Variants in PRSS23 observed in about 807,000 individuals in gnomAD.
PRSS23 encodes the protein protease, serine 23.
In PRSS23, 25 loss-of-function variants were observed where a neutral mutation model predicts 34.7. The ratio of observed to expected loss-of-function variants is 0.72; its 90% CI spans 0.53 to 1.01. The LOEUF is 1.01. Ranked by LOEUF, PRSS23 falls within the 50% of genes least tolerant of loss-of-function variation. The pLI, the probability that PRSS23 is intolerant of heterozygous loss-of-function variation, is 0.00. For synonymous variants in PRSS23, 176 were observed against 186.6 expected (o/e 0.94, Z 0.46); for missense variants, 445 against 475.6 (o/e 0.94, Z 0.60).
chr11:86,854,382 C>T (rs575772392), intron 2 of PRSS23, among the ~76,000 whole-genome samples: 24 of 152,312 alleles, frequency 1.6e-4, no homozygotes, highest in Admixed American at 1.4e-3. Context: ...TTGTTTACTT[C>T]TAGCTGTTCT....
chr11:86,827,188 A>T (rs371385966), intron 2 of PRSS23, among the ~76,000 whole-genome samples: 8 of 152,108 alleles, frequency 5.3e-5, no homozygotes, highest in South Asian at 2.1e-4. Flanking sequence ...ATTGGTCTAT[A>T]CAGAGATTCA....
chr11:86,795,091 T>C (rs926781752), intron 1 of PRSS23, among the ~76,000 whole-genome samples: 1 of 152,184 alleles, frequency 6.6e-6, no homozygotes, highest in Non-Finnish European at 1.5e-5. Flanking sequence ...CTGGGATACA[T>C]TTTTTCTTAT....
At chr11:86,871,244 T>A (rs1948682586) in intron 2 of PRSS23, among the ~76,000 whole-genome samples, 1 of 152,198 alleles carries the variant, frequency 6.6e-6, no homozygotes, top group South Asian at 2.1e-4. Context: ...TCCTTAATTC[T>A]AAAATGTGGT....
At chr11:86,909,492 CAGA>C (rs1948963997) in intron 2 of PRSS23, 1 of 152,260 alleles carries the variant, frequency 6.6e-6, no homozygotes, top group East Asian at 1.9e-4. Flanking sequence ...CATCCATTTT[CAGA>C]AGAAGAAACA....
chr11:86,797,173 A>T (rs1016141237), upstream of PRSS23, among the ~76,000 whole-genome samples: 1 of 152,254 alleles, frequency 6.6e-6, no homozygotes, highest in Admixed American at 6.5e-5. Context: ...AATTACAATT[A>T]TAGAGTTGAA....
chr11:86,839,861 A>G lies in PRSS23; in HGVS notation c.206+16268A>G, dbSNP rs1948434725. 2.0e-5 allele frequency among the ~76,000 whole-genome samples: 3 copies of G among 150,526 alleles called. No homozygotes were observed. In the Admixed American group the frequency reaches 2.0e-4, roughly 10 times the overall value. On this transcript the variant is annotated intron_variant, in intron 2 of 2. Coordinates refer to the PRSS23 transcript ENST00000533902. ...GTATGCAGCCAAACTAAGCTTCATAAGTGAAGGAGAAATAAAATCTTTCAC... is the reference window on the plus strand; with the variant it reads ...GTATGCAGCCAAACTAAGCTTCATAGGTGAAGGAGAAATAAAATCTTTCAC...
chr11:86,845,631 C>T (rs535588297), intron 2 of PRSS23, among the ~76,000 whole-genome samples: 2 of 152,284 alleles, frequency 1.3e-5, no homozygotes, highest in African/African-American at 4.8e-5. Flanking sequence ...GGACTTACTT[C>T]AGTCCTGGAT....
chr11:86,843,668 C>T (rs935469094), intron 2 of PRSS23, among the ~76,000 whole-genome samples: 13 of 152,166 alleles, frequency 8.5e-5, no homozygotes, highest in African/African-American at 3.1e-4. Flanking sequence ...TGAAAAAAAG[C>T]TCATCATCAC....
At chr11:86,865,613 G>C (rs1948644707) in intron 2 of PRSS23, among the ~76,000 whole-genome samples, 1 of 152,160 alleles carries the variant, frequency 6.6e-6, no homozygotes, top group African/African-American at 2.4e-5. Context: ...GATATAGCTG[G>C]GTTCTGTTTG....
intron 1 of PRSS23, among the ~76,000 whole-genome samples, chr11:86,791,432 A>C (rs1404513349): frequency 6.6e-6 from 1 of 152,214 alleles, no homozygotes; most frequent in Admixed American, 6.5e-5. Flanking sequence ...CTTCTGAAAA[A>C]GGAGGAAGCA....
At chr11:86,861,783 C>T (rs1265880010) in intron 2 of PRSS23, among the ~76,000 whole-genome samples, 3 of 151,396 alleles carry the variant, frequency 2.0e-5, no homozygotes, top group African/African-American at 7.3e-5. Flanking sequence ...GAGGATATTA[C>T]TTCCCATGTC....
intron 2 of PRSS23, among the ~76,000 whole-genome samples, chr11:86,938,051 G>C (rs967113709): frequency 6.6e-6 from 1 of 152,126 alleles, no homozygotes; most frequent in Non-Finnish European, 1.5e-5. Context: ...ACACTACCTT[G>C]AACTAGTTGC....
At chr11:86,841,739 T>C (rs573558276) in intron 2 of PRSS23, among the ~76,000 whole-genome samples, 102 of 152,212 alleles carry the variant, frequency 6.7e-4, no homozygotes, top group Admixed American at 2.2e-3. Context: ...CAGGAGGAAG[T>C]TGAATCTCTG....
chr11:86,927,959 A>G (rs1201955560), intron 2 of PRSS23, among the ~76,000 whole-genome samples: 1 of 151,796 alleles, frequency 6.6e-6, no homozygotes, highest in Non-Finnish European at 1.5e-5. Context: ...AAAAAAGTAT[A>G]CTGTACTTGG....
chr11:86,909,312 A>G (rs1948962970), intron 2 of PRSS23: 1 of 152,240 alleles, frequency 6.6e-6, no homozygotes, highest in Admixed American at 6.5e-5. Flanking sequence ...AGGTTTCTGA[A>G]AACATTCCTG....
intron 2 of PRSS23, chr11:86,947,222 CAAACAAACAAACAACA>C: frequency 1.2e-5 from 2 of 167,300 alleles, no homozygotes; most frequent in Non-Finnish European, 2.6e-5. Context: ...AACAAACAAA[CAAACAAACAAACAACA>C]AAAAAAAGGT....
At chr11:86,824,129 G>C (rs1021120876) in intron 2 of PRSS23, among the ~76,000 whole-genome samples, 1 of 149,854 alleles carries the variant, frequency 6.7e-6, no homozygotes, top group Non-Finnish European at 1.5e-5. Flanking sequence ...GCAACATAGT[G>C]AAATCCCGTC....
intron 1 of PRSS23, among the ~76,000 whole-genome samples, chr11:86,802,272 T>C (rs1224462955): frequency 6.6e-6 from 1 of 152,214 alleles, no homozygotes; most frequent in Non-Finnish European, 1.5e-5. Context: ...CAATTTAGTT[T>C]ACCTGAAATC....
At chr11:86,892,064 T>C (rs1948845125) in intron 2 of PRSS23, 2 of 152,230 alleles carry the variant, frequency 1.3e-5, no homozygotes, top group South Asian at 2.1e-4. Context: ...ATCTGTAAAA[T>C]AGAGCACCTT....
Sources: gnomAD v4.1 joint callset for allele counts (sites outside exome capture counted in the v4.1 genomes callset) on GRCh38, gnomAD v4.1.1 for gene constraint, MANE v1.5 for transcripts, NCBI Gene and HGNC (gene_info 2026-07-23, HGNC 2026-07-21) for gene names.